CCDC91: variants seen among roughly 807,000 people sequenced by gnomAD.
CCDC91 encodes the protein coiled-coil domain containing 91.
In CCDC91, 48 loss-of-function variants were observed where a neutral mutation model predicts 63.2. The observed-to-expected ratio is 0.76, with a 90% CI of 0.60 to 0.97. CCDC91 has a LOEUF of 0.97. Among genes scored for constraint, CCDC91 ranks in the 50% least tolerant of loss-of-function variants. The probability of loss-of-function intolerance (pLI) is 0.00; values close to 1 mark genes in which losing one functional copy is unlikely to be tolerated. For missense variants in CCDC91, 500 were observed against 494.6 expected (o/e 1.01, Z -0.10); for synonymous variants, 167 against 165.8 (o/e 1.01, Z -0.06).
chr12:28,521,081 T>C (rs1940595552), intron 12 of CCDC91, among the ~76,000 whole-genome samples: 1 of 152,192 alleles, frequency 6.6e-6, no homozygotes, highest in African/African-American at 2.4e-5. Context: ...ATATGAACTT[T>C]AAAGTAGTTT....
At chr12:28,249,517 C>T (rs1414585053) in intron 1 of CCDC91, among the ~76,000 whole-genome samples, 1 of 152,132 alleles carries the variant, frequency 6.6e-6, no homozygotes, top group Non-Finnish European at 1.5e-5. Context: ...AGCTAAAAAA[C>T]AAGTCTCTGT....
intron 8 of CCDC91, among the ~76,000 whole-genome samples, chr12:28,414,236 C>T (rs1241595510): frequency 1.3e-5 from 2 of 151,712 alleles, no homozygotes; most frequent in Non-Finnish European, 2.9e-5. Flanking sequence ...AAATATATAC[C>T]TCTAGAAATG....
intron 8 of CCDC91, among the ~76,000 whole-genome samples, chr12:28,430,322 A>G (rs1244039613): frequency 6.6e-6 from 1 of 152,078 alleles, no homozygotes; most frequent in African/African-American, 2.4e-5. Context: ...ATATTACCTT[A>G]GATGTAGGAT....
chr12:28,539,489 A>G (rs1250284927), intron 12 of CCDC91, among the ~76,000 whole-genome samples: 3 of 152,298 alleles, frequency 2.0e-5, no homozygotes, highest in East Asian at 3.9e-4. Flanking sequence ...TACCAGTACC[A>G]TGCTGTTTTG....
At chr12:28,471,245 A>G (rs1950798285) in intron 11 of CCDC91, among the ~76,000 whole-genome samples, 1 of 152,228 alleles carries the variant, frequency 6.6e-6, no homozygotes, top group Non-Finnish European at 1.5e-5. Flanking sequence ...GACTCAGAAT[A>G]TAATTAGGCT....
chr12:28,452,676 T>C (rs1347095647), intron 11 of CCDC91, 22 bp downstream of exon 11: 2 of 1,298,460 alleles, frequency 1.5e-6, no homozygotes, highest in Admixed American at 5.2e-5. Context: ...TAACTGTTAG[T>C]AAATATTTAC....
chr12:28,526,430 G>T (rs562678749), intron 12 of CCDC91, among the ~76,000 whole-genome samples: 2 of 152,138 alleles, frequency 1.3e-5, no homozygotes, highest in African/African-American at 4.8e-5. Flanking sequence ...TAAAGATAGG[G>T]CCCCAATCCT....
chr12:28,366,559 T>G lies in CCDC91; in HGVS notation c.654+4044T>G, dbSNP rs527792897. 5.2e-4 allele frequency among the ~76,000 whole-genome samples: 79 copies of G among 152,278 alleles called. 1 individual carries two copies. The highest frequency in any genetic ancestry group is 1.8e-3 in the African/African-American group (76 of 41,554). ...CTTCTATCTCCTCACTGGGGTGGTG[T>G]TAATGAAGGTGAGGCAGGGAACTAG... On this transcript the variant is annotated intron_variant, in intron 7 of 12. Transcript: ENST00000536442.
intron 12 of CCDC91, among the ~76,000 whole-genome samples, chr12:28,536,182 C>T (rs931277662): frequency 2.1e-5 from 3 of 142,660 alleles, no homozygotes; most frequent in Admixed American, 1.4e-4. Context: ...ATATAGTAGG[C>T]CAGTGTTAGT....
intron 2 of CCDC91, among the ~76,000 whole-genome samples, chr12:28,258,566 T>C (rs1246580605): frequency 2.6e-5 from 4 of 152,190 alleles, no homozygotes; most frequent in East Asian, 1.9e-4. Flanking sequence ...TCCTGCTGTA[T>C]AAATAGGGAA....
chr12:28,328,659 T>C (rs1234701988), intron 6 of CCDC91, among the ~76,000 whole-genome samples: 1 of 152,182 alleles, frequency 6.6e-6, no homozygotes, highest in Non-Finnish European at 1.5e-5. Context: ...AGTGAGAGAA[T>C]ATAAAACTTT....
intron 1 of CCDC91, among the ~76,000 whole-genome samples, chr12:28,219,386 C>T (rs546577385): frequency 6.6e-6 from 1 of 151,666 alleles, no homozygotes; most frequent in South Asian, 2.1e-4. Context: ...CTGTGGCTTG[C>T]CTTTTTATAT....
rs188530136 is a variant in CCDC91, at chr12:28,231,384, A to G, written c.-14-25818A>G. 2.6e-4 allele frequency among the ~76,000 whole-genome samples: 39 copies of G among 152,320 alleles called. No individual in the cohort carries two copies. In the East Asian group the frequency reaches 7.5e-3, roughly 29 times the overall value. ...CATACATTTGGTTTCTTAATTTATG[A>G]TGGGACATCAATAGCTGATTAAGCA... is the stretch of plus-strand genomic sequence containing the variant. On this transcript the variant is annotated intron_variant, in intron 1 of 12. Coordinates refer to ENST00000536442, the MANE Select transcript of CCDC91 (RefSeq NM_018318.5).
intron 2 of CCDC91, among the ~76,000 whole-genome samples, chr12:28,258,870 A>G (rs1488886395): frequency 5.3e-5 from 8 of 152,142 alleles, no homozygotes; most frequent in African/African-American, 1.9e-4. Flanking sequence ...TGAGTTTTAG[A>G]AATTCTCTAA....
chr12:28,398,656 C>CTGCT (rs1946434519), intron 8 of CCDC91, among the ~76,000 whole-genome samples: 2 of 152,110 alleles, frequency 1.3e-5, no homozygotes, highest in Admixed American at 1.3e-4. Flanking sequence ...TCTCTTTGAT[C>CTGCT]TGCTCTCTCA....
chr12:28,228,375 C>G (rs1944401124), intron 1 of CCDC91, among the ~76,000 whole-genome samples: 1 of 152,046 alleles, frequency 6.6e-6, no homozygotes, highest in South Asian at 2.1e-4. Context: ...GTTTGCAAGT[C>G]TGTCTTTCTA....
intron 6 of CCDC91, among the ~76,000 whole-genome samples, chr12:28,309,604 T>C (rs1939108432): frequency 1.3e-5 from 2 of 152,066 alleles, no homozygotes; most frequent in African/African-American, 2.4e-5. Flanking sequence ...AAATTTCCTA[T>C]ATAAATCCTG....
intron 8 of CCDC91, among the ~76,000 whole-genome samples, chr12:28,420,822 A>G (rs1268245695): frequency 6.8e-6 from 1 of 147,512 alleles, no homozygotes; most frequent in Admixed American, 6.8e-5. Context: ...ATATTTCTTT[A>G]TTTTCAATAT....
At position 28,387,644 on chromosome 12, in the gene CCDC91, G is replaced by T. The variant is rs549255170; in HGVS notation, c.655-3660G>T. Among the ~76,000 whole-genome samples the T allele has an allele frequency of 3.9e-5, 6 of 152,140 alleles. No homozygotes were observed. In the East Asian group the frequency reaches 9.7e-4, roughly 25 times the overall value. ...TATAGATGAGAACATGTGATGTTTGGTTTTCCATTTCTGAGTTTCTTCACT... is the reference window on the plus strand; with the variant it reads ...TATAGATGAGAACATGTGATGTTTGTTTTTCCATTTCTGAGTTTCTTCACT... On this transcript the variant is annotated intron_variant, in intron 7 of 12. Coordinates refer to ENST00000536442, the MANE Select transcript of CCDC91 (RefSeq NM_018318.5).
Sources: allele counts gnomAD v4.1 joint callset (sites outside exome capture counted in the v4.1 genomes callset), GRCh38; gene constraint gnomAD v4.1.1; transcripts MANE v1.5; gene names NCBI Gene and HGNC (gene_info 2026-07-23, HGNC 2026-07-21).